SSBP3: variants seen among roughly 807,000 people sequenced by gnomAD.
SSBP3 encodes the protein single stranded DNA binding protein 3, also known as single-stranded DNA-binding protein 3.
Under a neutral mutation model 69.6 loss-of-function variants are expected in SSBP3, and 5 were observed. The observed-to-expected ratio is 0.07, with a 90% CI of 0.04 to 0.15. SSBP3 has a LOEUF of 0.15. SSBP3 is among the 10% of genes least tolerant of loss of function. The pLI, the probability that SSBP3 is intolerant of heterozygous loss-of-function variation, is 1.00. For synonymous variants in SSBP3, 196 were observed against 193.4 expected (o/e 1.01, Z -0.11); for missense variants, 312 against 534.0 (o/e 0.58, Z 4.10).
intron 4 of SSBP3, among the ~76,000 whole-genome samples, chr1:54,399,741 G>A (rs1649160324): frequency 6.6e-6 from 1 of 152,098 alleles, no homozygotes; most frequent in Non-Finnish European, 1.5e-5. Context: ...CCACAAGAAG[G>A]GAGAGACTAG....
At chr1:54,265,363 A>G (rs1645083916) in intron 5 of SSBP3, among the ~76,000 whole-genome samples, 1 of 152,082 alleles carries the variant, frequency 6.6e-6, no homozygotes. Flanking sequence ...TACAGGCCAG[A>G]GCTGGGGCTG....
chr1:54,403,095 C>T (rs982249552), intron 3 of SSBP3, among the ~76,000 whole-genome samples: 1 of 152,220 alleles, frequency 6.6e-6, no homozygotes, highest in African/African-American at 2.4e-5. Flanking sequence ...GGGTCATTTG[C>T]TCAGTGTCAA....
intron 5 of SSBP3, among the ~76,000 whole-genome samples, chr1:54,269,743 A>G (rs966183548): frequency 2.6e-5 from 4 of 152,232 alleles, no homozygotes; most frequent in Non-Finnish European, 4.4e-5. Flanking sequence ...GCCAGGTCTG[A>G]GAGCCAGCAG....
chr1:54,318,402 G>A (rs768571425), intron 4 of SSBP3, among the ~76,000 whole-genome samples: 3 of 152,138 alleles, frequency 2.0e-5, no homozygotes, highest in Non-Finnish European at 2.9e-5. Flanking sequence ...GGGCTCAAAG[G>A]GAAGGTGTCA....
chr1:54,386,377 T>C (rs569521170), intron 4 of SSBP3, among the ~76,000 whole-genome samples: 50 of 152,280 alleles, frequency 3.3e-4, no homozygotes, highest in Admixed American at 9.1e-4. Flanking sequence ...CACAGCACCT[T>C]ATGGAGCGGT....
At chr1:54,405,023 T>A in intron 1 of SSBP3, 93 bp from the exon 2 acceptor site, 2 of 1,143,408 alleles carry the variant, frequency 1.7e-6, no homozygotes, top group Non-Finnish European at 2.6e-6. Flanking sequence ...TTGAGCCCTG[T>A]CTGCGCCGTC....
chr1:54,399,401 A>G (rs1649130949), intron 4 of SSBP3, among the ~76,000 whole-genome samples: 1 of 152,188 alleles, frequency 6.6e-6, no homozygotes, highest in Non-Finnish European at 1.5e-5. Context: ...CAGCTGCTTC[A>G]TCTGCAAAAT....
chr1:54,406,138 G>T, exon 1 of SSBP3: 2 of 655,884 alleles, frequency 3.0e-6, no homozygotes, highest in East Asian at 7.2e-5. Context: ...GCTCGCTGGC[G>T]CTCTCCTCGC....
chr1:54,231,452 T>G (rs951696183), intron 14 of SSBP3, among the ~76,000 whole-genome samples: 4 of 152,220 alleles, frequency 2.6e-5, no homozygotes, highest in African/African-American at 4.8e-5. Context: ...CATGATTTAT[T>G]TTCTCCATTC....
At chr1:54,250,649 G>A (rs1170016885) in intron 9 of SSBP3, among the ~76,000 whole-genome samples, 1 of 152,212 alleles carries the variant, frequency 6.6e-6, no homozygotes, top group East Asian at 1.9e-4. Flanking sequence ...GCAGACTCCA[G>A]GCAGAACAGA....
chr1:54,403,980 T>A (rs1338430307), intron 3 of SSBP3, among the ~76,000 whole-genome samples: 3 of 131,074 alleles, frequency 2.3e-5, no homozygotes, highest in African/African-American at 8.7e-5. Context: ...TCTGACCAGT[T>A]AAGGTTCTGC....
intron 5 of SSBP3, among the ~76,000 whole-genome samples, chr1:54,272,872 A>C (rs370501444): frequency 6.6e-6 from 1 of 152,248 alleles, no homozygotes; most frequent in African/African-American, 2.4e-5. Context: ...AGATCCACAG[A>C]AGCCAGAGAT....
intron 5 of SSBP3, among the ~76,000 whole-genome samples, chr1:54,270,269 G>A (rs1277431442): frequency 6.6e-6 from 1 of 152,196 alleles, no homozygotes; most frequent in African/African-American, 2.4e-5. Context: ...CCAGGTCAGA[G>A]CTGGTCTCCA....
At chr1:54,334,711 A>C (rs927019975) in intron 4 of SSBP3, among the ~76,000 whole-genome samples, 1 of 152,230 alleles carries the variant, frequency 6.6e-6, no homozygotes, top group African/African-American at 2.4e-5. Flanking sequence ...ATTATTAACA[A>C]TAACAACATC....
At chr1:54,280,548 C>T (rs913995176) in intron 5 of SSBP3, among the ~76,000 whole-genome samples, 6 of 148,632 alleles carry the variant, frequency 4.0e-5, no homozygotes, top group Admixed American at 3.3e-4. Flanking sequence ...AGAACTCGGG[C>T]GGATTCTCAA....
In SSBP3 at chr1:54,332,950, G is replaced by A. The variant is rs139918428; in HGVS notation, c.277-51423C>T. On this transcript the variant is annotated intron_variant, in intron 4 of 17. Coordinates refer to ENST00000610401, the Ensembl canonical transcript of SSBP3. ...CACGCGCGAGCACACACACACGCGT[G>A]CGCCTCCTCCCACGCAGCATTGTTC... is the stretch of plus-strand genomic sequence containing the variant. 6.6e-3 allele frequency among the ~76,000 whole-genome samples: 1,011 copies of A among 152,120 alleles called. 7 individuals carry two copies. Among genetic ancestry groups the A allele is most frequent in the African/African-American group, 0.023 (967 of 41,448 alleles).
chr1:54,397,163 T>C (rs1278600623), intron 4 of SSBP3, among the ~76,000 whole-genome samples: 1 of 152,224 alleles, frequency 6.6e-6, no homozygotes, highest in Non-Finnish European at 1.5e-5. Context: ...CCAGGACCTC[T>C]GGGCAGATAG....
At chr1:54,313,404 G>A (rs1199345293) in intron 4 of SSBP3, among the ~76,000 whole-genome samples, 2 of 150,540 alleles carry the variant, frequency 1.3e-5, no homozygotes, top group Non-Finnish European at 2.9e-5. Flanking sequence ...CCAGGAACTA[G>A]GGGGGCTCAC....
At chr1:54,337,219 C>A (rs961445575) in intron 4 of SSBP3, among the ~76,000 whole-genome samples, 2 of 152,336 alleles carry the variant, frequency 1.3e-5, no homozygotes, top group Non-Finnish European at 1.5e-5. Flanking sequence ...CCCACCCCAA[C>A]GGTTCACAGG....
Sources: allele counts gnomAD v4.1 joint callset (sites outside exome capture counted in the v4.1 genomes callset), GRCh38; gene constraint gnomAD v4.1.1; transcripts MANE v1.5; gene names NCBI Gene and HGNC (gene_info 2026-07-23, HGNC 2026-07-21).